Variants in TRAPPC3L observed in about 807,000 individuals in gnomAD.
TRAPPC3L encodes the protein trafficking protein particle complex subunit 3-like protein.
Under a neutral mutation model 23.7 loss-of-function variants are expected in TRAPPC3L, and 23 were observed. The ratio of observed to expected loss-of-function variants is 0.97; its 90% confidence interval spans 0.70 to 1.37. TRAPPC3L has a LOEUF of 1.37. TRAPPC3L is among the 40% of genes most tolerant of loss of function. The pLI, the probability that TRAPPC3L is intolerant of heterozygous loss-of-function variation, is 0.00. For synonymous variants in TRAPPC3L, 81 were observed against 77.9 expected, an observed-to-expected ratio of 1.04 and a Z score of -0.21; for missense variants, 212 against 216.8, an observed-to-expected ratio of 0.98 and a Z score of 0.14.
rs543521108 is a variant in TRAPPC3L at position 116,501,626 on chromosome 6, C to T, written c.241-960G>A. Among the ~76,000 whole-genome samples the T allele has an allele frequency of 1.3e-3, 201 of 152,302 alleles. 1 individual carries two copies. The highest frequency in any genetic ancestry group is 4.6e-3 in the African/African-American group (193 of 41,584). On this transcript the variant is annotated intron_variant, in intron 3 of 4. Coordinates refer to ENST00000368602, the MANE Select transcript of TRAPPC3L (RefSeq NM_001139444.3). ...ACATCTCCCCGTGGGAGCTGACAGA[C>T]ACCTCATACAGGCAGGTGCCCCTCT...
chr6:116,511,826 AG>A lies in TRAPPC3L; in HGVS notation c.241-11161del, dbSNP rs1285698760. Reference sequence around the variant, plus strand: ...TGTTGTGGCTTTTAAGTGCCCCTGCAGCACTGAGAATATGACCTATGGGCTG... The same window carrying A: ...TGTTGTGGCTTTTAAGTGCCCCTGCACACTGAGAATATGACCTATGGGCTG... On this transcript the variant is annotated intron_variant, in intron 3 of 4. Transcript: ENST00000368602. 1.9e-6 allele frequency: 3 copies of A among 1,613,960 alleles called. No individual in the cohort carries two copies. In the East Asian group the frequency reaches 6.7e-5, roughly 36 times the overall value.
At chr6:116,515,942 G>A (rs1156489195) in intron 3 of TRAPPC3L, 4 of 1,612,570 alleles carry the variant, frequency 2.5e-6, no homozygotes, top group African/African-American at 1.3e-5. Flanking sequence ...TAGCCCTGAG[G>A]ATGATGAGAC....
intron 3 of TRAPPC3L, among the ~76,000 whole-genome samples, chr6:116,529,643 G>A (rs1772576609): frequency 2.0e-5 from 3 of 152,190 alleles, no homozygotes; most frequent in Admixed American, 2.0e-4. Context: ...CATGTCATCT[G>A]GTGAGGTTGA....
intron 2 of TRAPPC3L, among the ~76,000 whole-genome samples, chr6:116,541,976 T>C (rs1773492270): frequency 6.6e-6 from 1 of 152,194 alleles, no homozygotes; most frequent in African/African-American, 2.4e-5. Flanking sequence ...CAAAAATTTA[T>C]TCTTTAATAT....
chr6:116,511,082 T>C (rs964228493), intron 3 of TRAPPC3L, among the ~76,000 whole-genome samples: 2 of 145,956 alleles, frequency 1.4e-5, no homozygotes, highest in Non-Finnish European at 3.0e-5. Context: ...CGGTGATGGG[T>C]GCACTAAAAT....
At chr6:116,543,964 A>G (rs1010683602) in intron 1 of TRAPPC3L, 20 of 1,076,196 alleles carry the variant, frequency 1.9e-5, no homozygotes, top group South Asian at 9.1e-5. Flanking sequence ...AGAGTAAATT[A>G]TAAATGAAAA....
chr6:116,514,931 A>G (rs1215882275), intron 3 of TRAPPC3L, among the ~76,000 whole-genome samples: 1 of 152,244 alleles, frequency 6.6e-6, no homozygotes, highest in African/African-American at 2.4e-5. Flanking sequence ...AAGTTAGAAG[A>G]TAATTTAAGC....
At chr6:116,500,059 T>C (rs1771889253) in intron 4 of TRAPPC3L, among the ~76,000 whole-genome samples, 2 of 152,286 alleles carry the variant, frequency 1.3e-5, no homozygotes, top group Non-Finnish European at 2.9e-5. Context: ...GCAGCATAAG[T>C]GGCCATGTTG....
Position 116,540,475 on chromosome 6 carries a change from GAA to G in TRAPPC3L, c.141-15_141-14del. On this transcript the variant is annotated splice_polypyrimidine_tract_variant and intron_variant, in intron 2 of 4. Coordinates refer to ENST00000368602, the MANE Select transcript of TRAPPC3L (RefSeq NM_001139444.3). The stretch of plus-strand genomic sequence containing the variant: ...AATGCCGTAACCCCTGTGGATGACG[GAA>G]AGAGTGTGGTCTGAAAATTCTAAGA... 6.5e-7 allele frequency: 1 copy of G among 1,548,386 alleles called. No individual in the cohort carries two copies. Among genetic ancestry groups the G allele is most frequent in the Non-Finnish European group, 8.7e-7 (1 of 1,145,730 alleles).
At chr6:116,542,408 G>A (rs1000861231) in intron 2 of TRAPPC3L, among the ~76,000 whole-genome samples, 10 of 152,078 alleles carry the variant, frequency 6.6e-5, no homozygotes, top group African/African-American at 2.4e-4. Flanking sequence ...CAATCTTTAT[G>A]TTGTCTTTTT....
chr6:116,507,807 TC>T (rs869251703), intron 3 of TRAPPC3L, among the ~76,000 whole-genome samples: 1 of 125,864 alleles, frequency 7.9e-6, no homozygotes, highest in Non-Finnish European at 1.9e-5. Context: ...CGCAAAAACA[TC>T]TGCTGTTTTA....
At chr6:116,530,162 T>C (rs1772608612) in intron 3 of TRAPPC3L, among the ~76,000 whole-genome samples, 1 of 151,202 alleles carries the variant, frequency 6.6e-6, no homozygotes, top group Non-Finnish European at 1.5e-5. Context: ...AAGCCAAATA[T>C]AATTAGAAAA....
Position 116,496,109 on chromosome 6 carries a change from C to T in TRAPPC3L, c.*845G>A, listed in dbSNP as rs529801992. 3.9e-5 allele frequency: 6 copies of T among 152,166 alleles called. No individual in the cohort carries two copies. The highest frequency in any genetic ancestry group is 4.1e-4 in the South Asian group (2 of 4,824). The allele number at this position is 152,166 out of a possible 1,614,324, so 9.4% of individuals were successfully genotyped here. On this transcript the variant is annotated 3_prime_UTR_variant, in exon 5 of 5. Coordinates refer to ENST00000368602, the MANE Select transcript of TRAPPC3L (RefSeq NM_001139444.3). ...GGTGAAGATTACTGTGTATTTAATT[C>T]GGTACACTTGAATTTTAAATGTGTT... is the stretch of plus-strand genomic sequence containing the variant.
chr6:116,530,981 G>T (rs1232853416), intron 3 of TRAPPC3L, among the ~76,000 whole-genome samples: 1 of 140,320 alleles, frequency 7.1e-6, no homozygotes, highest in Admixed American at 7.4e-5. Flanking sequence ...CAAGATATTT[G>T]TCAATTACTT....
intron 3 of TRAPPC3L, chr6:116,511,635 C>T: frequency 5.3e-6 from 8 of 1,503,500 alleles, no homozygotes; most frequent in Non-Finnish European, 6.3e-6. Flanking sequence ...CACCCTCGGC[C>T]ACTGCCACAG....
chr6:116,506,457 A>G (rs759998743), intron 3 of TRAPPC3L, among the ~76,000 whole-genome samples: 3 of 152,174 alleles, frequency 2.0e-5, no homozygotes, highest in Non-Finnish European at 2.9e-5. Context: ...ACAGTGTGGC[A>G]ATTCCTCAAT....
intron 2 of TRAPPC3L, among the ~76,000 whole-genome samples, chr6:116,541,930 AT>A (rs563216663): frequency 6.6e-6 from 1 of 152,100 alleles, no homozygotes; most frequent in African/African-American, 2.4e-5. Flanking sequence ...CTAAATGTGA[AT>A]TTTTTTCTTA....
Position 116,541,567 on chromosome 6 carries a change from A to T in TRAPPC3L, c.141-1105T>A, listed in dbSNP as rs142913516. ...TTATGAATTCAATGAATCTTGTGAGATATCCTATTTATATTTCTGAGTGGA... is the reference window on the plus strand; with the variant it reads ...TTATGAATTCAATGAATCTTGTGAGTTATCCTATTTATATTTCTGAGTGGA... On this transcript the variant is annotated intron_variant, in intron 2 of 4. Coordinates refer to ENST00000368602, the MANE Select transcript of TRAPPC3L (RefSeq NM_001139444.3). Among the ~76,000 whole-genome samples the T allele has an allele frequency of 5.9e-4, 90 of 152,306 alleles. 1 individual carries two copies. In the East Asian group the frequency reaches 0.012, roughly 21 times the overall value.
chr6:116,522,202 C>T (rs1772358519), intron 3 of TRAPPC3L: 1 of 152,252 alleles, frequency 6.6e-6, no homozygotes, highest in South Asian at 2.1e-4. Context: ...AGATCTATGG[C>T]CCTAATCAAA....
Sources: allele counts gnomAD v4.1 joint callset (sites outside exome capture counted in the v4.1 genomes callset), GRCh38; gene constraint gnomAD v4.1.1; transcripts MANE v1.5; gene names NCBI Gene and HGNC (gene_info 2026-07-23, HGNC 2026-07-21).